CEP83: variants seen among roughly 807,000 people sequenced by gnomAD.
The protein encoded by CEP83 is centrosomal protein of 83 kDa.
A neutral mutation model predicts 101.9 loss-of-function variants in CEP83; 70 were observed. The observed-to-expected ratio is 0.69, with a 90% CI of 0.57 to 0.84. The LOEUF is 0.84. Among genes scored for constraint, CEP83 ranks in the 40% least tolerant of loss-of-function variants. The pLI is 0.00. For synonymous variants in CEP83, 264 were observed against 267.9 expected, an observed-to-expected ratio of 0.99 and a Z score of 0.14; for missense variants, 715 against 787.2, an observed-to-expected ratio of 0.91 and a Z score of 1.10.
chr12:94,378,733 G>A, intron 7 of CEP83, 58 bp downstream of exon 7: 2 of 1,576,742 alleles, frequency 1.3e-6, no homozygotes, highest in South Asian at 1.2e-5. Flanking sequence ...TCAAAGGCTT[G>A]TCAACTGCAC....
At chr12:94,443,570 G>A (rs2066579172) in intron 1 of CEP83, among the ~76,000 whole-genome samples, 1 of 152,046 alleles carries the variant, frequency 6.6e-6, no homozygotes, top group Non-Finnish European at 1.5e-5. Context: ...TCAGCTCACT[G>A]CAACCTCCGT....
At chr12:94,304,546 C>G (rs1325758448), downstream of CEP83, among the ~76,000 whole-genome samples, 1 of 152,144 alleles carries the variant, frequency 6.6e-6, no homozygotes. Context: ...CAGACACATT[C>G]ATCAGATGCT....
chr12:94,386,655 T>C (rs1406297679), intron 6 of CEP83, among the ~76,000 whole-genome samples: 1 of 152,198 alleles, frequency 6.6e-6, no homozygotes, highest in Non-Finnish European at 1.5e-5. Context: ...GTCTGAAAAC[T>C]GTGGTTTCCT....
chr12:94,402,583 G>T (rs1440224097), intron 5 of CEP83, among the ~76,000 whole-genome samples: 1 of 152,056 alleles, frequency 6.6e-6, no homozygotes, highest in Admixed American at 6.6e-5. Context: ...GTATCTGGAG[G>T]GAGAGTATTC....
intron 6 of CEP83, among the ~76,000 whole-genome samples, chr12:94,388,909 T>C (rs2062336291): frequency 6.6e-6 from 1 of 152,132 alleles, no homozygotes; most frequent in Non-Finnish European, 1.5e-5. Context: ...GGTAGATCAC[T>C]TGAGGTCAGG....
At chr12:94,344,200 C>T (rs2059829118) in intron 11 of CEP83, among the ~76,000 whole-genome samples, 1 of 152,172 alleles carries the variant, frequency 6.6e-6, no homozygotes, top group Non-Finnish European at 1.5e-5. Context: ...ACTACATCTT[C>T]TGTTAAACAA....
chr12:94,298,673 T>G, the CEP83 span: 1 of 1,610,034 alleles, frequency 6.2e-7, no homozygotes, highest in Non-Finnish European at 8.5e-7. Context: ...TTAGAAGCAT[T>G]TGGAGTTTAC....
At chr12:94,302,698 C>T (rs967439559), downstream of CEP83, among the ~76,000 whole-genome samples, 2 of 152,138 alleles carry the variant, frequency 1.3e-5, no homozygotes, top group African/African-American at 4.8e-5. Flanking sequence ...TGCCTGAAAC[C>T]ACACAAAGTA....
intron 1 of CEP83, among the ~76,000 whole-genome samples, chr12:94,438,345 G>A (rs539103398): frequency 2.0e-5 from 3 of 152,094 alleles, no homozygotes; most frequent in Non-Finnish European, 2.9e-5. Context: ...GTAAAGGGGT[G>A]GAAAAAGATA....
At chr12:94,370,065 A>G in intron 8 of CEP83, 29 bp from the exon 9 acceptor site, 1 of 1,310,530 alleles carries the variant, frequency 7.6e-7, no homozygotes, top group Non-Finnish European at 1.1e-6. Context: ...TGAAATTACT[A>G]TTGGTCATTT....
At chr12:94,321,260 G>C (rs2058733156) in intron 14 of CEP83, among the ~76,000 whole-genome samples, 1 of 152,154 alleles carries the variant, frequency 6.6e-6, no homozygotes, top group South Asian at 2.1e-4. Context: ...TCATCTGTCA[G>C]TGCCTGTATC....
At chr12:94,337,835 G>T (rs2059516578) in intron 11 of CEP83, among the ~76,000 whole-genome samples, 1 of 152,082 alleles carries the variant, frequency 6.6e-6, no homozygotes, top group South Asian at 2.1e-4. Context: ...AGAAGTAAAG[G>T]GGAAAAGGAC....
intron 1 of CEP83, among the ~76,000 whole-genome samples, chr12:94,446,307 G>C (rs1025586814): frequency 6.6e-6 from 1 of 152,330 alleles, no homozygotes; most frequent in Non-Finnish European, 1.5e-5. Flanking sequence ...TTTTTGACCA[G>C]AGATATGCCA....
Position 94,372,432 on chromosome 12 carries a change from T to C in CEP83, c.934-2396A>G, listed in dbSNP as rs75890083. Among the ~76,000 whole-genome samples the C allele has an allele frequency of 8.1e-3, 1,228 of 152,354 alleles. 14 individuals are homozygous for C. Among genetic ancestry groups the C allele is most frequent in the African/African-American group, 0.028 (1,146 of 41,586 alleles). The stretch of plus-strand genomic sequence containing the variant: ...TCATGGACAGATAGAATTTAAATTA[T>C]AAATACTTTAAAATTTTGAAGAAAT... On this transcript the variant is annotated intron_variant, in intron 8 of 16. Coordinates refer to ENST00000397809, the MANE Select transcript of CEP83 (RefSeq NM_016122.3).
chr12:94,322,939 G>T (rs1007481447), intron 14 of CEP83, among the ~76,000 whole-genome samples: 11 of 152,164 alleles, frequency 7.2e-5, no homozygotes, highest in Middle Eastern at 3.2e-3. Flanking sequence ...TGAAAAGCAG[G>T]GTCTGGGACC....
downstream of CEP83, chr12:94,306,215 T>C (rs978949260): frequency 6.6e-6 from 1 of 151,568 alleles, no homozygotes; most frequent in African/African-American, 2.4e-5. Flanking sequence ...TATGAATACT[T>C]GTGTGTGATT....
chr12:94,386,562 A>G (rs1201680810), intron 6 of CEP83, among the ~76,000 whole-genome samples: 1 of 152,236 alleles, frequency 6.6e-6, no homozygotes, highest in African/African-American at 2.4e-5. Flanking sequence ...GAAACTCTCC[A>G]GAACCTAAGA....
At chr12:94,323,646 T>A (rs2058844612) in intron 14 of CEP83, among the ~76,000 whole-genome samples, 1 of 152,212 alleles carries the variant, frequency 6.6e-6, no homozygotes, top group African/African-American at 2.4e-5. Flanking sequence ...CAGCTGCTTC[T>A]AGTTGGCCAT....
intron 6 of CEP83, among the ~76,000 whole-genome samples, chr12:94,397,464 C>A (rs372912045): frequency 9.2e-5 from 14 of 151,986 alleles, no homozygotes; most frequent in African/African-American, 3.4e-4. Context: ...CATCACTGCA[C>A]CCCAGCCTGG....
Sources: gnomAD v4.1 joint callset for allele counts (sites outside exome capture counted in the v4.1 genomes callset) on GRCh38, gnomAD v4.1.1 for gene constraint, MANE v1.5 for transcripts, NCBI Gene and HGNC (gene_info 2026-07-23, HGNC 2026-07-21) for gene names.